Variants in DLC1 observed in about 807,000 individuals in gnomAD.
DLC1 encodes the protein DLC1 Rho GTPase activating protein.
Under a neutral mutation model 140.3 loss-of-function variants are expected in DLC1, and 54 were observed. That is an observed-to-expected ratio of 0.38 (90% CI 0.31 to 0.48). DLC1 has a LOEUF of 0.48. Among genes scored for constraint, DLC1 ranks in the 20% least tolerant of loss-of-function variants. DLC1 has a pLI of 0.96. For missense variants in DLC1, 2,536 were observed against 1,907.0 expected, an observed-to-expected ratio of 1.33 and a Z score of -6.14; for synonymous variants, 986 against 728.1, an observed-to-expected ratio of 1.35 and a Z score of -5.70.
At chr8:13,151,808 CATACT>C (rs1393305069) in intron 5 of DLC1, among the ~76,000 whole-genome samples, 1 of 152,068 alleles carries the variant, frequency 6.6e-6, no homozygotes, top group Non-Finnish European at 1.5e-5. Context: ...CTTTTTATTC[CATACT>C]ATATTACACC....
intron 2 of DLC1, among the ~76,000 whole-genome samples, chr8:13,463,865 A>G (rs964650285): frequency 3.3e-5 from 5 of 152,194 alleles, no homozygotes; most frequent in African/African-American, 1.2e-4. Context: ...TCAAGGGGAC[A>G]CGAAAGAGCT....
At chr8:13,174,804 T>G (rs1185533066) in intron 5 of DLC1, among the ~76,000 whole-genome samples, 2 of 152,164 alleles carry the variant, frequency 1.3e-5, no homozygotes, top group African/African-American at 4.8e-5. Context: ...TCTCCCATTC[T>G]GTAGGTTGTT....
intron 5 of DLC1, among the ~76,000 whole-genome samples, chr8:13,130,194 C>A (rs528948610): frequency 3.3e-5 from 5 of 152,306 alleles, no homozygotes; most frequent in African/African-American, 4.8e-5. Context: ...CATGGGGACA[C>A]CAAGGGAAAC....
At chr8:13,285,897 G>A (rs951192444) in intron 5 of DLC1, among the ~76,000 whole-genome samples, 1 of 152,178 alleles carries the variant, frequency 6.6e-6, no homozygotes, top group Non-Finnish European at 1.5e-5. Flanking sequence ...CTCAGTGCTT[G>A]CCAGAGGCTG....
intron 2 of DLC1, among the ~76,000 whole-genome samples, chr8:13,405,899 TTTTC>T (rs1223746115): frequency 4.5e-4 from 65 of 145,692 alleles, no homozygotes; most frequent in African/African-American, 1.4e-3. Context: ...CTTTCTTTCT[TTTTC>T]TTTCTTTCTT....
At chr8:13,252,513 G>A (rs999726589) in intron 5 of DLC1, among the ~76,000 whole-genome samples, 2 of 152,128 alleles carry the variant, frequency 1.3e-5, no homozygotes, top group Non-Finnish European at 2.9e-5. Flanking sequence ...CGGTCATATG[G>A]TTTAGAATAA....
At chr8:13,157,871 A>G (rs991391708) in intron 5 of DLC1, among the ~76,000 whole-genome samples, 1 of 152,210 alleles carries the variant, frequency 6.6e-6, no homozygotes, top group African/African-American at 2.4e-5. Context: ...TATTTACCAC[A>G]CAACATGCTT....
intron 5 of DLC1, among the ~76,000 whole-genome samples, chr8:13,227,056 G>A (rs905476923): frequency 1.3e-5 from 2 of 152,156 alleles, no homozygotes; most frequent in Admixed American, 1.3e-4. Context: ...GGCGGGGGCA[G>A]GGACTGACCA....
chr8:13,362,357 G>A (rs1231885091), intron 4 of DLC1, among the ~76,000 whole-genome samples: 1 of 152,198 alleles, frequency 6.6e-6, no homozygotes, highest in East Asian at 1.9e-4. Context: ...ATCTGCCAAT[G>A]AGGAGGCAGC....
chr8:13,305,612 C>T (rs920745478), intron 4 of DLC1, among the ~76,000 whole-genome samples: 3 of 152,070 alleles, frequency 2.0e-5, no homozygotes, highest in Non-Finnish European at 4.4e-5. Context: ...CAGAGACAGG[C>T]GGATCGTTGA....
chr8:13,194,116 G>A (rs1826917629), intron 5 of DLC1, among the ~76,000 whole-genome samples: 1 of 152,174 alleles, frequency 6.6e-6, no homozygotes, highest in Non-Finnish European at 1.5e-5. Context: ...TACCCACAGA[G>A]AAATGAGCAC....
intron 2 of DLC1, among the ~76,000 whole-genome samples, chr8:13,471,868 C>T (rs1315127405): frequency 6.6e-6 from 1 of 152,200 alleles, no homozygotes; most frequent in Non-Finnish European, 1.5e-5. Flanking sequence ...CACTGGGTGA[C>T]ATCAGCCTGG....
chr8:13,202,880 C>T (rs1563161473), intron 5 of DLC1, among the ~76,000 whole-genome samples: 1 of 152,008 alleles, frequency 6.6e-6, no homozygotes, highest in Admixed American at 6.6e-5. Context: ...CACTATGTTG[C>T]CAAGGCTGGT....
intron 5 of DLC1, among the ~76,000 whole-genome samples, chr8:13,280,075 C>A (rs1056465436): frequency 6.7e-6 from 1 of 150,200 alleles, no homozygotes; most frequent in Non-Finnish European, 1.5e-5. Flanking sequence ...GTCGGGAGAT[C>A]GAGACCATCC....
chr8:13,452,186 A>C (rs927121295), intron 2 of DLC1, among the ~76,000 whole-genome samples: 1 of 150,646 alleles, frequency 6.6e-6, no homozygotes, highest in Non-Finnish European at 1.5e-5. Flanking sequence ...AATTAAAATA[A>C]ATAAAAATTA....
intron 2 of DLC1, among the ~76,000 whole-genome samples, chr8:13,476,053 G>A (rs1046644499): frequency 9.2e-5 from 14 of 152,140 alleles, no homozygotes; most frequent in African/African-American, 2.7e-4. Flanking sequence ...AGGTTGCCTC[G>A]TGAAGCAGAA....
rs367887411 is a variant in DLC1 at position 13,446,899 on chromosome 8, G to A, written c.1024-45280C>T. Among the ~76,000 whole-genome samples, 19 of 151,444 alleles carry A rather than the reference G, an allele frequency of 1.3e-4. 1 individual carries two copies. The highest frequency in any genetic ancestry group is 2.7e-4 in the African/African-American group (11 of 41,286). ...GGAAGTTGCAGTGAGCTGAGATCGC[G>A]CCATTGTACTTCAGCCTGGGTAACA... On this transcript the variant is annotated intron_variant, in intron 2 of 17. Transcript: ENST00000276297.
intron 5 of DLC1, among the ~76,000 whole-genome samples, chr8:13,190,168 T>G (rs892569321): frequency 1.3e-5 from 2 of 152,230 alleles, no homozygotes; most frequent in Non-Finnish European, 2.9e-5. Context: ...TTACATTGTT[T>G]ATGTCAAGGT....
chr8:13,358,547 T>C (rs968810133), intron 4 of DLC1, among the ~76,000 whole-genome samples: 2 of 151,782 alleles, frequency 1.3e-5, no homozygotes, highest in African/African-American at 4.9e-5. Flanking sequence ...GAAGGAAATG[T>C]AAGAAAAGTT....
Sources: gnomAD v4.1 joint callset for allele counts (sites outside exome capture counted in the v4.1 genomes callset) on GRCh38, gnomAD v4.1.1 for gene constraint, MANE v1.5 for transcripts, NCBI Gene and HGNC (gene_info 2026-07-23, HGNC 2026-07-21) for gene names.